The following CXXC5 variants were observed in gnomAD, a reference collection of about 807,000 sequenced individuals.
The protein encoded by CXXC5 is CXXC-type zinc finger protein 5.
Under a neutral mutation model 17.6 loss-of-function variants are expected in CXXC5, and 2 were observed. That is an observed-to-expected ratio of 0.11 (90% CI 0.05 to 0.36). The LOEUF (loss-of-function observed/expected upper bound fraction) is 0.36. Among genes scored for constraint, CXXC5 ranks in the 10% least tolerant of loss-of-function variants. CXXC5 has a pLI of 1.00. For missense variants in CXXC5, 343 were observed against 458.3 expected, an observed-to-expected ratio of 0.75 and a Z score of 2.30; for synonymous variants, 171 against 193.0, an observed-to-expected ratio of 0.89 and a Z score of 0.94.
At position 139,658,606 on chromosome 5, in the gene CXXC5, G is replaced by A. The variant is rs1334259256; in HGVS notation, c.-161+9761G>A. ...AGGCACAGGAGGGGTCCTCTTGGCG[G>A]TGCCCGCCCGCCCGCTGCCCACGCT... On this transcript the variant is annotated intron_variant, in intron 1 of 2. Transcript: ENST00000302517. This position sits in a 1 kb window ranked among gnomAD's most constrained non-coding sequence, Gnocchi z 4.1. Among the ~76,000 whole-genome samples the A allele has an allele frequency of 6.6e-6, 1 of 152,176 alleles. No homozygotes were observed. Among genetic ancestry groups the A allele is most frequent in the Non-Finnish European group, 1.5e-5 (1 of 68,016 alleles).
In CXXC5 at chr5:139,650,723, C is replaced by T. The variant is rs111612520; in HGVS notation, c.-161+1878C>T. On this transcript the variant is annotated intron_variant, in intron 1 of 2. Coordinates refer to ENST00000302517, the MANE Select transcript of CXXC5 (RefSeq NM_016463.9). Reference sequence around the variant, plus strand: ...CACCTGATCCCCCTCCTGAAAGATGCCCGTGCCTTGGTTTCCAACCGCCAC... The same window carrying T: ...CACCTGATCCCCCTCCTGAAAGATGTCCGTGCCTTGGTTTCCAACCGCCAC... Among the ~76,000 whole-genome samples the T allele has an allele frequency of 2.4e-3, 372 of 152,316 alleles. 2 individuals carry two copies. The highest frequency in any genetic ancestry group is 8.6e-3 in the African/African-American group (359 of 41,572).
At chr5:139,660,470 C>T (rs1695962) in intron 1 of CXXC5, among the ~76,000 whole-genome samples, 1,590 of 152,212 alleles carry the variant, frequency 0.01, 14 homozygotes, top group African/African-American at 0.036. Context: ...AGCCTAAAGG[C>T]GTTTGGGGTG....
chr5:139,669,872 C>T (rs1421464395), intron 1 of CXXC5, among the ~76,000 whole-genome samples: 4 of 152,208 alleles, frequency 2.6e-5, no homozygotes, highest in African/African-American at 9.6e-5. Flanking sequence ...GCTCCCACTC[C>T]CTTGCCTCCA....
At chr5:139,679,332 T>C (rs1418686489) in intron 1 of CXXC5, among the ~76,000 whole-genome samples, 1 of 152,100 alleles carries the variant, frequency 6.6e-6, no homozygotes, top group Non-Finnish European at 1.5e-5. Flanking sequence ...GGTTCGGGGG[T>C]TGAGAAGGAA....
intron 2 of CXXC5, among the ~76,000 whole-genome samples, chr5:139,682,266 ATGGT>A (rs1561552919): frequency 6.6e-6 from 1 of 152,048 alleles, no homozygotes; most frequent in Non-Finnish European, 1.5e-5. Flanking sequence ...AATGTCCAGA[ATGGT>A]TGGAAAACAA....
At chr5:139,653,450 C>T in intron 1 of CXXC5, among the ~76,000 whole-genome samples, 1 of 152,110 alleles carries the variant, frequency 6.6e-6, no homozygotes, top group South Asian at 2.1e-4. Flanking sequence ...TGAGCACATG[C>T]TTGCACATGT....
intron 1 of CXXC5, among the ~76,000 whole-genome samples, chr5:139,673,228 C>T (rs1561543375): frequency 6.6e-6 from 1 of 152,180 alleles, no homozygotes; most frequent in Non-Finnish European, 1.5e-5. Flanking sequence ...AAAGCATGGA[C>T]AGTGTGGCAC....
At chr5:139,657,550 G>C (rs1274099722) in intron 1 of CXXC5, among the ~76,000 whole-genome samples, 1 of 152,198 alleles carries the variant, frequency 6.6e-6, no homozygotes, top group Non-Finnish European at 1.5e-5. Flanking sequence ...TGGTGAACAG[G>C]CTGGCAGGTG....
At chr5:139,673,104 C>T (rs2126799871) in intron 1 of CXXC5, among the ~76,000 whole-genome samples, 1 of 152,272 alleles carries the variant, frequency 6.6e-6, no homozygotes, top group East Asian at 1.9e-4. Context: ...CTACAAGATT[C>T]AGGGGATCCC....
intron 1 of CXXC5, among the ~76,000 whole-genome samples, chr5:139,664,107 C>CT (rs933493911): frequency 6.6e-6 from 1 of 152,166 alleles, no homozygotes; most frequent in African/African-American, 2.4e-5. Context: ...TCCTAGGTCC[C>CT]TCTGCTATCT....
chr5:139,662,369 C>T (rs1317893479), intron 1 of CXXC5, among the ~76,000 whole-genome samples: 1 of 152,110 alleles, frequency 6.6e-6, no homozygotes, highest in Non-Finnish European at 1.5e-5. Context: ...CTCTGCCCGC[C>T]TTTGGGGTTG....
At position 139,668,094 on chromosome 5, in the gene CXXC5, C is replaced by T. The variant is rs971910709; in HGVS notation, c.-160-12270C>T. Among the ~76,000 whole-genome samples the T allele has an allele frequency of 6.6e-6, 1 of 152,166 alleles. No homozygotes were observed. The highest frequency in any genetic ancestry group is 6.5e-5 in the Admixed American group (1 of 15,284). On this transcript the variant is annotated intron_variant, in intron 1 of 2. Transcript: ENST00000302517. This position sits in a 1 kb window ranked among gnomAD's most constrained non-coding sequence, Gnocchi z 4.1. The stretch of plus-strand genomic sequence containing the variant: ...CTGGGCCTGCGGCACCCTCCCCAAC[C>T]TCAGGTAGGGGGCCTGGCCCGAGGC...
intron 1 of CXXC5, among the ~76,000 whole-genome samples, chr5:139,656,297 C>T (rs1388338869): frequency 1.3e-5 from 2 of 152,268 alleles, no homozygotes; most frequent in African/African-American, 4.8e-5. Flanking sequence ...GCTCTTGCCA[C>T]AGTCCCCTTG....
Position 139,661,260 on chromosome 5 carries a change from G to A in CXXC5, c.-161+12415G>A, listed in dbSNP as rs1486431715. On this transcript the variant is annotated intron_variant, in intron 1 of 2. Coordinates refer to ENST00000302517, the MANE Select transcript of CXXC5 (RefSeq NM_016463.9). This position sits in a 1 kb window ranked among gnomAD's most constrained non-coding sequence, Gnocchi z 4.7. ...CGGGCGGGCGGCAGGATTAGCTCAG[G>A]AGACGTGAGTCACCCCATCCCCAGC... 6.6e-6 allele frequency among the ~76,000 whole-genome samples: 1 copy of A among 152,192 alleles called. No individual in the cohort carries two copies. The highest frequency in any genetic ancestry group is 2.4e-5 in the African/African-American group (1 of 41,448).
intron 1 of CXXC5, among the ~76,000 whole-genome samples, chr5:139,666,624 G>C (rs1439092925): frequency 6.6e-6 from 1 of 152,266 alleles, no homozygotes; most frequent in Non-Finnish European, 1.5e-5. Context: ...GCGCTCCTGA[G>C]CTATGTGGCC....
In CXXC5 at chr5:139,683,508, G is replaced by C. The variant is rs1581642373; in HGVS notation, c.*601G>C. ...CCAGCAGGGAGCTCACAGAAGGGGAGGGAGCACCAGGCCAGCTGAGCTGCA... is the reference window on the plus strand; with the variant it reads ...CCAGCAGGGAGCTCACAGAAGGGGACGGAGCACCAGGCCAGCTGAGCTGCA... On this transcript the variant is annotated 3_prime_UTR_variant, in exon 3 of 3. Coordinates refer to ENST00000302517, the MANE Select transcript of CXXC5 (RefSeq NM_016463.9). 6.6e-6 allele frequency: 1 copy of C among 152,388 alleles called. No homozygotes were observed. The highest frequency in any genetic ancestry group is 2.4e-5 in the African/African-American group (1 of 41,450). 9.4% of individuals were successfully genotyped at this position (152,388 alleles called of 1,614,324 possible). A position where few individuals can be genotyped will look rare whatever the true frequency, so the allele number is the denominator to read the frequency against.
In CXXC5 at chr5:139,673,267, T is replaced by C. The variant is rs138363406; in HGVS notation, c.-160-7097T>C. Among the ~76,000 whole-genome samples, 509 of 152,296 alleles carry C rather than the reference T, an allele frequency of 3.3e-3. 3 individuals are homozygous for C. Among genetic ancestry groups the C allele is most frequent in the Non-Finnish European group, 5.6e-3 (378 of 68,018 alleles). On this transcript the variant is annotated intron_variant, in intron 1 of 2. Coordinates refer to ENST00000302517, the MANE Select transcript of CXXC5 (RefSeq NM_016463.9). ...GGAAGAGCCCCATACTTGTTAGCTA[T>C]GGTCCCAGGTGACAGATGGGAAAAC...
intron 1 of CXXC5, among the ~76,000 whole-genome samples, chr5:139,677,016 C>T (rs1010737507): frequency 2.8e-4 from 43 of 151,594 alleles, no homozygotes; most frequent in Admixed American, 1.9e-3. Context: ...CGCCCGTCAG[C>T]CCCTGGTCCC....
rs796177168 is a variant in CXXC5, at chr5:139,670,856, C to T, written c.-160-9508C>T. Among the ~76,000 whole-genome samples, 5 of 152,216 alleles carry T rather than the reference C, an allele frequency of 3.3e-5. No individual in the cohort carries two copies. Among genetic ancestry groups the T allele is most frequent in the African/African-American group, 7.2e-5 (3 of 41,448 alleles). On this transcript the variant is annotated intron_variant, in intron 1 of 2. Transcript: ENST00000302517. This position sits in a 1 kb window ranked among gnomAD's most constrained non-coding sequence, Gnocchi z 4.2. The stretch of plus-strand genomic sequence containing the variant: ...GACATCTTGAGACTACACACTCAAC[C>T]GGGCACATTCACAGTCCACTGGACA...
Sources: gnomAD v4.1 joint callset for allele counts (sites outside exome capture counted in the v4.1 genomes callset) on GRCh38, gnomAD v4.1.1 for gene constraint, Gnocchi (gnomAD v3.1) non-coding constraint, MANE v1.5 for transcripts, NCBI Gene and HGNC (gene_info 2026-07-23, HGNC 2026-07-21) for gene names.